CR1L: variants seen among roughly 807,000 people sequenced by gnomAD.
CR1L encodes the protein complement component receptor 1-like protein.
Under a neutral mutation model 62.3 loss-of-function variants are expected in CR1L, and 59 were observed. The observed-to-expected ratio is 0.95, with a 90% CI of 0.77 to 1.18. The LOEUF is 1.18. Ranked by LOEUF, CR1L falls within the 50% of genes most tolerant of loss-of-function variation. The pLI is 0.00. For synonymous variants in CR1L, 279 were observed against 248.7 expected (o/e 1.12, Z -1.15); for missense variants, 700 against 702.8 (o/e 1.00, Z 0.04).
chr1:207,679,020 G>A (rs1282326869), intron 3 of CR1L, among the ~76,000 whole-genome samples: 2 of 142,876 alleles, frequency 1.4e-5, no homozygotes, highest in Non-Finnish European at 3.0e-5. Context: ...TTTTTGAGAT[G>A]GAGTCTGGCT....
At chr1:207,685,260 T>C (rs1251360458) in intron 4 of CR1L, among the ~76,000 whole-genome samples, 1 of 152,246 alleles carries the variant, frequency 6.6e-6, no homozygotes. Context: ...AGATTTACAA[T>C]ACATGCTTTT....
chr1:207,660,332 A>G (rs1663390398), intron 1 of CR1L, among the ~76,000 whole-genome samples: 1 of 152,226 alleles, frequency 6.6e-6, no homozygotes, highest in South Asian at 2.1e-4. Flanking sequence ...CAGAGGAAGG[A>G]TCAGGCAGCA....
At chr1:207,699,865 G>GA (rs921203350) in intron 8 of CR1L, among the ~76,000 whole-genome samples, 3 of 151,922 alleles carry the variant, frequency 2.0e-5, no homozygotes, top group African/African-American at 4.8e-5. Flanking sequence ...GAAGGACAAG[G>GA]AAAAAAATAA....
intron 1 of CR1L, among the ~76,000 whole-genome samples, chr1:207,651,675 A>G (rs1348563224): frequency 2.6e-5 from 4 of 152,154 alleles, no homozygotes; most frequent in Non-Finnish European, 5.9e-5. Context: ...AAAAACTACA[A>G]AAAACAGAAA....
chr1:207,683,381 C>T (rs905300868), intron 3 of CR1L, among the ~76,000 whole-genome samples: 7 of 152,230 alleles, frequency 4.6e-5, no homozygotes, highest in African/African-American at 1.4e-4. Context: ...AAGCAGTCCT[C>T]CTACCTCAGC....
intron 8 of CR1L, among the ~76,000 whole-genome samples, chr1:207,700,619 T>C (rs1314461732): frequency 6.6e-6 from 1 of 152,224 alleles, no homozygotes; most frequent in Non-Finnish European, 1.5e-5. Context: ...GGCCTGAATA[T>C]GTTTCAATTC....
chr1:207,667,626 T>C (rs745366612), intron 1 of CR1L, among the ~76,000 whole-genome samples: 14 of 152,222 alleles, frequency 9.2e-5, no homozygotes, highest in Non-Finnish European at 1.8e-4. Context: ...CACTCCTCCT[T>C]TTCTCTCATT....
At chr1:207,648,332 A>G (rs1157478216) in intron 1 of CR1L, among the ~76,000 whole-genome samples, 2 of 152,214 alleles carry the variant, frequency 1.3e-5, no homozygotes, top group African/African-American at 4.8e-5. Context: ...TAACAAAACT[A>G]AAAATGAAGA....
intron 8 of CR1L, among the ~76,000 whole-genome samples, chr1:207,700,960 T>C (rs538387711): frequency 1.3e-5 from 2 of 152,370 alleles, no homozygotes; most frequent in South Asian, 2.1e-4. Context: ...AAGCTTCTTA[T>C]TGAATTTTTT....
intron 3 of CR1L, among the ~76,000 whole-genome samples, chr1:207,682,509 A>C (rs1663816809): frequency 6.6e-6 from 1 of 152,122 alleles, no homozygotes; most frequent in Admixed American, 6.6e-5. Context: ...AGTCACTAAT[A>C]ATTACAACAT....
At chr1:207,651,773 G>A (rs1433891548) in intron 1 of CR1L, among the ~76,000 whole-genome samples, 3 of 152,226 alleles carry the variant, frequency 2.0e-5, no homozygotes, top group Non-Finnish European at 4.4e-5. Context: ...GGGAGCTTCT[G>A]AGAGAATGCA....
intron 9 of CR1L, 127 bp from the exon 10 acceptor site, chr1:207,708,051 A>G (rs1231079913): frequency 1.3e-5 from 14 of 1,103,370 alleles, no homozygotes; most frequent in Non-Finnish European, 1.8e-5. Context: ...TGGGAACAAT[A>G]GGTAAAGTTT....
At chr1:207,651,343 T>C (rs1294414057) in intron 1 of CR1L, among the ~76,000 whole-genome samples, 1 of 152,132 alleles carries the variant, frequency 6.6e-6, no homozygotes, top group African/African-American at 2.4e-5. Flanking sequence ...ACATGATATA[T>C]AAAGAAAATA....
intron 10 of CR1L, among the ~76,000 whole-genome samples, chr1:207,716,543 A>G (rs1392586986): frequency 1.3e-5 from 2 of 152,126 alleles, no homozygotes; most frequent in Admixed American, 1.3e-4. Flanking sequence ...TTTAATTTGC[A>G]TTGTGTTAAA....
At chr1:207,663,057 TG>T (rs1157127024) in intron 1 of CR1L, among the ~76,000 whole-genome samples, 4 of 152,174 alleles carry the variant, frequency 2.6e-5, no homozygotes, top group Non-Finnish European at 5.9e-5. Flanking sequence ...CCGCCCCTAC[TG>T]GGGGGTGCCT....
chr1:207,657,050 C>T (rs1301708797), intron 1 of CR1L: 6 of 580,464 alleles, frequency 1.0e-5, no homozygotes, highest in Admixed American at 3.0e-5. Flanking sequence ...GACAAATTCA[C>T]TGAAGACACA....
chr1:207,660,846 T>C (rs535491277), intron 1 of CR1L, among the ~76,000 whole-genome samples: 1 of 152,200 alleles, frequency 6.6e-6, no homozygotes, highest in Non-Finnish European at 1.5e-5. Flanking sequence ...TATGTTGTGT[T>C]TTTGTTCTTG....
chr1:207,706,956 GAA>G (rs1411534617), intron 9 of CR1L, among the ~76,000 whole-genome samples: 2 of 152,176 alleles, frequency 1.3e-5, no homozygotes, highest in Non-Finnish European at 2.9e-5. Flanking sequence ...GAAAATGTGA[GAA>G]AGCAGGAAAA....
At chr1:207,705,733 C>T (rs766463437) in intron 9 of CR1L, among the ~76,000 whole-genome samples, 12 of 152,082 alleles carry the variant, frequency 7.9e-5, no homozygotes, top group East Asian at 7.7e-4. Context: ...AACCTCCCTG[C>T]GGCATGAGGC....
Sources: allele counts gnomAD v4.1 joint callset (sites outside exome capture counted in the v4.1 genomes callset), GRCh38; gene constraint gnomAD v4.1.1; transcripts MANE v1.5; gene names NCBI Gene and HGNC (gene_info 2026-07-23, HGNC 2026-07-21).